ZBTB7C: variants seen among roughly 807,000 people sequenced by gnomAD.
ZBTB7C encodes zinc finger and BTB domain-containing protein 7C.
Under a neutral mutation model 25.7 loss-of-function variants are expected in ZBTB7C, and 8 were observed. The ratio of observed to expected loss-of-function variants is 0.31; its 90% CI spans 0.18 to 0.56. The LOEUF is 0.56. Among genes scored for constraint, ZBTB7C ranks in the 20% least tolerant of loss-of-function variants. The pLI is 0.91. For synonymous variants in ZBTB7C, 394 were observed against 369.0 expected (o/e 1.07, Z -0.78); for missense variants, 824 against 855.2 (o/e 0.96, Z 0.46).
intron 2 of ZBTB7C, among the ~76,000 whole-genome samples, chr18:48,265,732 A>G (rs2044294026): frequency 6.6e-6 from 1 of 152,220 alleles, no homozygotes; most frequent in Non-Finnish European, 1.5e-5. Flanking sequence ...GGCACTTACA[A>G]AATAACTGGC....
chr18:48,338,913 G>GC (rs1437921811), intron 1 of ZBTB7C, among the ~76,000 whole-genome samples: 6 of 123,460 alleles, frequency 4.9e-5, no homozygotes, highest in East Asian at 2.1e-4. Context: ...TAGTTTGTTG[G>GC]GGGGGGGGGG....
intron 2 of ZBTB7C, among the ~76,000 whole-genome samples, chr18:48,279,769 C>T (rs1490859139): frequency 6.6e-6 from 1 of 152,208 alleles, no homozygotes; most frequent in Non-Finnish European, 1.5e-5. Flanking sequence ...ACATCAGCCC[C>T]ACATTCACAG....
intron 1 of ZBTB7C, among the ~76,000 whole-genome samples, chr18:48,399,718 T>G (rs1243595804): frequency 6.6e-6 from 1 of 152,200 alleles, no homozygotes; most frequent in Non-Finnish European, 1.5e-5. Context: ...AATCTCATTT[T>G]AAAAAGAGGA....
At chr18:48,117,425 C>T (rs747127430) in intron 3 of ZBTB7C, among the ~76,000 whole-genome samples, 69 of 152,134 alleles carry the variant, frequency 4.5e-4, no homozygotes, top group Non-Finnish European at 4.4e-4. Context: ...TACTGAGAGG[C>T]AGCCTGCCAC....
intron 2 of ZBTB7C, among the ~76,000 whole-genome samples, chr18:48,227,019 C>CAAAAAAAAAAAA (rs1187830776): frequency 9.7e-4 from 54 of 55,632 alleles, no homozygotes; most frequent in Non-Finnish European, 1.3e-3. Flanking sequence ...GACTCCATCT[C>CAAAAAAAAAAAA]AAAAAAAAAA....
At chr18:48,112,750 G>A (rs2039292729) in intron 3 of ZBTB7C, among the ~76,000 whole-genome samples, 1 of 152,190 alleles carries the variant, frequency 6.6e-6, no homozygotes, top group African/African-American at 2.4e-5. Flanking sequence ...AAATCCATGG[G>A]CTATGTTTGT....
At chr18:48,325,500 C>T (rs558846870) in intron 2 of ZBTB7C, among the ~76,000 whole-genome samples, 1 of 152,268 alleles carries the variant, frequency 6.6e-6, no homozygotes, top group Non-Finnish European at 1.5e-5. Flanking sequence ...AATCTGCAGC[C>T]AAATGAATGT....
At chr18:48,240,583 A>G (rs2043496563) in intron 2 of ZBTB7C, among the ~76,000 whole-genome samples, 1 of 152,216 alleles carries the variant, frequency 6.6e-6, no homozygotes, top group African/African-American at 2.4e-5. Flanking sequence ...AAAATTTTGC[A>G]TCCAGCAAAA....
At position 48,029,003 on chromosome 18, in the gene ZBTB7C, C is replaced by G. The variant is rs56003937; in HGVS notation, c.*257G>C. Reference sequence around the variant, plus strand: ...TTGTGGCATGGGCCGGTGCAAGTTTCTATATGAGAGCCAGAGAGACAGGGA... The same window carrying G: ...TTGTGGCATGGGCCGGTGCAAGTTTGTATATGAGAGCCAGAGAGACAGGGA... On this transcript the variant is annotated 3_prime_UTR_variant, in exon 5 of 5. Transcript: ENST00000590800. The G allele has an allele frequency of 0.15, 76,092 of 497,756 alleles. 6,310 individuals carry two copies. The highest frequency in any genetic ancestry group is 0.22 in the Admixed American group (5,098 of 23,130). The allele number at this position is 497,756 out of a possible 1,614,324, so 30.8% of individuals were successfully genotyped here.
At chr18:48,319,198 A>G (rs1018526698) in intron 2 of ZBTB7C, among the ~76,000 whole-genome samples, 1 of 150,944 alleles carries the variant, frequency 6.6e-6, no homozygotes, top group Non-Finnish European at 1.5e-5. Flanking sequence ...GGTCTGGGAA[A>G]GTGTGTGTGT....
chr18:48,206,670 CAAAT>C (rs1300668201), intron 2 of ZBTB7C, among the ~76,000 whole-genome samples: 1 of 152,014 alleles, frequency 6.6e-6, no homozygotes, highest in Non-Finnish European at 1.5e-5. Flanking sequence ...AACAAACAAA[CAAAT>C]AAATAAAGTT....
intron 3 of ZBTB7C, among the ~76,000 whole-genome samples, chr18:48,103,118 A>ATC (rs1598882893): frequency 2.2e-5 from 2 of 92,034 alleles, no homozygotes; most frequent in Non-Finnish European, 5.2e-5. Context: ...TATATTATCT[A>ATC]TCTATCTATC....
intron 2 of ZBTB7C, among the ~76,000 whole-genome samples, chr18:48,295,175 G>A (rs1483928012): frequency 6.6e-6 from 1 of 152,154 alleles, no homozygotes; most frequent in Non-Finnish European, 1.5e-5. Context: ...GTAACGTCTT[G>A]TTAAACACAG....
intron 3 of ZBTB7C, among the ~76,000 whole-genome samples, chr18:48,045,365 G>A (rs748794233): frequency 5.3e-5 from 8 of 152,252 alleles, no homozygotes; most frequent in Non-Finnish European, 7.3e-5. Context: ...GCAAAGCTCT[G>A]CCGGGGGTAA....
At chr18:48,086,484 A>C (rs1163201363) in intron 3 of ZBTB7C, among the ~76,000 whole-genome samples, 1 of 152,108 alleles carries the variant, frequency 6.6e-6, no homozygotes, top group Non-Finnish European at 1.5e-5. Flanking sequence ...TGTTTCCCTA[A>C]CACCCCGTGT....
intron 2 of ZBTB7C, among the ~76,000 whole-genome samples, chr18:48,311,618 G>A (rs746703612): frequency 6.6e-6 from 1 of 151,248 alleles, no homozygotes; most frequent in Non-Finnish European, 1.5e-5. Context: ...AAAGCAATGT[G>A]CCCAATAATA....
At chr18:48,268,921 C>A (rs905037565) in intron 2 of ZBTB7C, among the ~76,000 whole-genome samples, 2 of 151,182 alleles carry the variant, frequency 1.3e-5, no homozygotes, top group Non-Finnish European at 2.9e-5. Context: ...ATCAAGCCAC[C>A]AGCAGATTTG....
rs182760401 is a variant in ZBTB7C, at chr18:48,127,323, C to T, written c.-17+58611G>A. Among the ~76,000 whole-genome samples the T allele has an allele frequency of 2.6e-4, 40 of 152,338 alleles. No homozygotes were observed. In the East Asian group the frequency reaches 5.8e-3, roughly 22 times the overall value. On this transcript the variant is annotated intron_variant, in intron 3 of 4. Transcript: ENST00000590800. Reference sequence around the variant, plus strand: ...CTGAAGGCTCCCCTGAGCCCTTGGTCGAGACCTCCTCCCCCTGCTCTGACA... The same window carrying T: ...CTGAAGGCTCCCCTGAGCCCTTGGTTGAGACCTCCTCCCCCTGCTCTGACA...
intron 2 of ZBTB7C, among the ~76,000 whole-genome samples, chr18:48,235,899 A>C (rs2043366562): frequency 6.6e-6 from 1 of 152,038 alleles, no homozygotes; most frequent in Non-Finnish European, 1.5e-5. Context: ...AAATTTCTAA[A>C]CGTGTGTTTC....
Sources: allele counts gnomAD v4.1 joint callset (sites outside exome capture counted in the v4.1 genomes callset), GRCh38; gene constraint gnomAD v4.1.1; transcripts MANE v1.5; gene names NCBI Gene and HGNC (gene_info 2026-07-23, HGNC 2026-07-21).